RYR2: variants seen among roughly 807,000 people sequenced by gnomAD.
The protein encoded by RYR2 is ryanodine receptor 2.
A neutral mutation model predicts 601.1 loss-of-function variants in RYR2; 227 were observed. That is an observed-to-expected ratio of 0.38 (90% confidence interval 0.34 to 0.42). The LOEUF (loss-of-function observed/expected upper bound fraction) is 0.42, where lower values mean the gene tolerates loss of function less well. Ranked by LOEUF, RYR2 falls within the 10% of genes least tolerant of loss-of-function variation. RYR2 has a pLI of 1.00. For synonymous variants in RYR2, 2,223 were observed against 2,175.1 expected (o/e 1.02, Z -0.61); for missense variants, 4,646 against 6,156.5 (o/e 0.75, Z 8.21).
Position 237,046,196 on chromosome 1 carries a change from T to C in RYR2, c.48+3627T>C, listed in dbSNP as rs764842048. 3.5e-4 allele frequency among the ~76,000 whole-genome samples: 54 copies of C among 152,180 alleles called. 1 individual carries two copies. The highest frequency in any genetic ancestry group is 2.7e-3 in the Admixed American group (41 of 15,278). On this transcript the variant is annotated intron_variant, in intron 1 of 104. Coordinates refer to ENST00000366574, the MANE Select transcript of RYR2 (RefSeq NM_001035.3). ...CAGTATAGATGCTGGTGTACAACAC[T>C]GCATAGTAGTTTGGATGGGAATACT... is the stretch of plus-strand genomic sequence containing the variant.
intron 1 of RYR2, among the ~76,000 whole-genome samples, chr1:237,259,105 T>C (rs1322917279): frequency 2.6e-5 from 4 of 152,124 alleles, no homozygotes; most frequent in African/African-American, 7.2e-5. Context: ...AATACTGGCC[T>C]CACAGGCCAT....
chr1:237,331,512 C>CTTTTTTTTTTTTTTTTT lies in RYR2; in HGVS notation c.273+538_273+539insTTTTTTTTTTTTTTTTT, dbSNP rs1460724250. On this transcript the variant is annotated intron_variant, in intron 3 of 104. Coordinates refer to ENST00000366574, the MANE Select transcript of RYR2 (RefSeq NM_001035.3). Reference sequence around the variant, plus strand: ...CTCTGAAAATTGAAATTTTTCTTTTCTTTTTTTTGAGATGGAGTCTGGCTC... The same window carrying CTTTTTTTTTTTTTTTTT: ...CTCTGAAAATTGAAATTTTTCTTTTCTTTTTTTTTTTTTTTTTTTTTTTTTGAGATGGAGTCTGGCTC... Among the ~76,000 whole-genome samples, 71 of 150,728 alleles carry CTTTTTTTTTTTTTTTTT rather than the reference C, an allele frequency of 4.7e-4. 1 individual carries two copies. Among genetic ancestry groups the CTTTTTTTTTTTTTTTTT allele is most frequent in the African/African-American group, 1.6e-3 (66 of 40,592 alleles).
intron 29 of RYR2, among the ~76,000 whole-genome samples, chr1:237,578,878 G>T (rs375369530): frequency 6.6e-6 from 1 of 152,176 alleles, no homozygotes; most frequent in Non-Finnish European, 1.5e-5. Context: ...GTCCTGCAGT[G>T]AATGGCTTAA....
intron 1 of RYR2, among the ~76,000 whole-genome samples, chr1:237,127,446 G>A (rs555817735): frequency 1.4e-3 from 209 of 151,190 alleles, no homozygotes; most frequent in African/African-American, 4.8e-3. Context: ...AGAAGGGGGC[G>A]GCTGGCCGGG....
At chr1:237,127,435 CA>C (rs1231224541) in intron 1 of RYR2, among the ~76,000 whole-genome samples, 9 of 151,090 alleles carry the variant, frequency 6.0e-5, no homozygotes, top group East Asian at 4.0e-4. Flanking sequence ...ACCTCCCTCC[CA>C]GAAGGGGGCG....
At chr1:237,280,336 T>G (rs185144256) in intron 2 of RYR2, among the ~76,000 whole-genome samples, 1 of 152,290 alleles carries the variant, frequency 6.6e-6, no homozygotes, top group Admixed American at 6.5e-5. Flanking sequence ...TAAAAATTAA[T>G]TGAAATAATA....
rs190533014 is a variant in RYR2 at position 237,831,495 on chromosome 1, A to G, written c.14757-19A>G. ...ATTTCCATACCGTTCATTTCTGATC[A>G]GTTTCTCTGTATCTGTAGGTTTTTT... On this transcript the variant is annotated intron_variant, in intron 103 of 104. Coordinates refer to ENST00000366574, the MANE Select transcript of RYR2 (RefSeq NM_001035.3). The G allele has an allele frequency of 2.2e-4, 303 of 1,402,676 alleles. 1 individual carries two copies. The East Asian group carries it at 5.0e-3, about 23-fold the overall frequency. 86.9% of individuals were successfully genotyped at this position (1,402,676 alleles called of 1,614,324 possible).
intron 58 of RYR2, among the ~76,000 whole-genome samples, chr1:237,668,250 C>T (rs1348471742): frequency 1.3e-5 from 2 of 152,190 alleles, no homozygotes; most frequent in Non-Finnish European, 2.9e-5. Flanking sequence ...ACTTCCCTCC[C>T]TGACTCTCTT....
intron 2 of RYR2, among the ~76,000 whole-genome samples, chr1:237,276,391 C>T (rs555392941): frequency 3.3e-5 from 5 of 152,126 alleles, no homozygotes; most frequent in Admixed American, 6.6e-5. Context: ...TGAGCCACCA[C>T]GCCTGGCCTC....
At chr1:237,121,713 G>A (rs1442712558) in intron 1 of RYR2, among the ~76,000 whole-genome samples, 3 of 152,224 alleles carry the variant, frequency 2.0e-5, no homozygotes, top group African/African-American at 4.8e-5. Context: ...TGATAGTCAA[G>A]TATATGTTCT....
Position 237,252,997 on chromosome 1 carries a change from T to C in RYR2, c.49-17500T>C, listed in dbSNP as rs994170877. 3.3e-5 allele frequency among the ~76,000 whole-genome samples: 5 copies of C among 152,050 alleles called. No homozygotes were observed. In the East Asian group the frequency reaches 9.7e-4, roughly 29 times the overall value. On this transcript the variant is annotated intron_variant, in intron 1 of 104. Transcript: ENST00000366574. The stretch of plus-strand genomic sequence containing the variant: ...CTGGCCAACATTATGAAACTCCATC[T>C]CTACTAAAAATACAAAAATGAGCCG...
chr1:237,523,406 ACT>A (rs760464345), intron 24 of RYR2, among the ~76,000 whole-genome samples: 2 of 152,170 alleles, frequency 1.3e-5, no homozygotes, highest in Admixed American at 6.5e-5. Flanking sequence ...AAATCTTATA[ACT>A]CAATAATAAG....
At chr1:237,766,695 A>G (rs1693873138) in intron 84 of RYR2, among the ~76,000 whole-genome samples, 1 of 152,210 alleles carries the variant, frequency 6.6e-6, no homozygotes, top group African/African-American at 2.4e-5. Flanking sequence ...GGCTTTGGCT[A>G]TAAGAGAAAC....
chr1:237,319,014 T>A (rs867905231), intron 2 of RYR2, among the ~76,000 whole-genome samples: 10 of 152,180 alleles, frequency 6.6e-5, no homozygotes, highest in Admixed American at 1.3e-4. Flanking sequence ...TCAATGATTT[T>A]TTTTTCTGTG....
chr1:237,640,531 G>C (rs988283080), intron 46 of RYR2, among the ~76,000 whole-genome samples: 1 of 152,138 alleles, frequency 6.6e-6, no homozygotes, highest in Non-Finnish European at 1.5e-5. Flanking sequence ...TTCTCTACAT[G>C]TGTGCCACTT....
rs180674153 is a variant in RYR2, at chr1:237,465,849, T to C, written c.1613-3243T>C. On this transcript the variant is annotated intron_variant, in intron 16 of 104. Transcript: ENST00000366574. ...ACAGTGGTATTTACGTACATAAGCA[T>C]AGAAAAGGTACAGTAAAAATATAGT... Among the ~76,000 whole-genome samples, 284 of 152,336 alleles carry C rather than the reference T, an allele frequency of 1.9e-3. 1 individual carries two copies. Among genetic ancestry groups the C allele is most frequent in the African/African-American group, 6.6e-3 (273 of 41,578 alleles).
rs186943382 is a variant in RYR2, at chr1:237,496,431, A to G, written c.1962-80A>G. On this transcript the variant is annotated intron_variant, in intron 19 of 104. Coordinates refer to ENST00000366574, the MANE Select transcript of RYR2 (RefSeq NM_001035.3). ...TCAATAAAATTAAATGAAATACACAAGTGAAATTGTGAGATGTAAATGAAA... is the reference window on the plus strand; with the variant it reads ...TCAATAAAATTAAATGAAATACACAGGTGAAATTGTGAGATGTAAATGAAA... The G allele has an allele frequency of 1.8e-5, 28 of 1,565,964 alleles. No homozygotes were observed. The African/African-American group carries it at 2.7e-4, about 15-fold the overall frequency.
intron 80 of RYR2, among the ~76,000 whole-genome samples, chr1:237,745,798 C>A (rs894095070): frequency 6.6e-6 from 1 of 152,086 alleles, no homozygotes; most frequent in African/African-American, 2.4e-5. Flanking sequence ...AGGATACAGA[C>A]CAGCAGATAT....
chr1:237,091,698 T>G (rs1666977417), intron 1 of RYR2, among the ~76,000 whole-genome samples: 1 of 152,244 alleles, frequency 6.6e-6, no homozygotes, highest in Non-Finnish European at 1.5e-5. Flanking sequence ...GTGCTGGGAT[T>G]ACAGGCGTGA....
Sources: gnomAD v4.1 joint callset for allele counts (sites outside exome capture counted in the v4.1 genomes callset) on GRCh38, gnomAD v4.1.1 for gene constraint, MANE v1.5 for transcripts, NCBI Gene and HGNC (gene_info 2026-07-23, HGNC 2026-07-21) for gene names.